ECM2: variants seen among roughly 807,000 people sequenced by gnomAD.
ECM2 encodes extracellular matrix protein 2, female organ and adipocyte specific.
ECM2 carries 57 observed loss-of-function variants against 67.5 expected under a neutral mutation model. The ratio of observed to expected loss-of-function variants is 0.84; its 90% CI spans 0.68 to 1.05. The LOEUF (loss-of-function observed/expected upper bound fraction) is 1.05. ECM2 is among the 50% of genes least tolerant of loss of function. The pLI, the probability that ECM2 is intolerant of heterozygous loss-of-function variation, is 0.00. For synonymous variants in ECM2, 258 were observed against 294.5 expected, an observed-to-expected ratio of 0.88 and a Z score of 1.27; for missense variants, 741 against 822.8, an observed-to-expected ratio of 0.90 and a Z score of 1.22.
chr9:92,500,590 C>T, intron 9 of ECM2, 137 bp downstream of exon 9: 1 of 802,472 alleles, frequency 1.2e-6, no homozygotes, highest in Non-Finnish European at 1.9e-6. Flanking sequence ...CTAACATTTG[C>T]CAATCTTGTT....
At chr9:92,534,824 A>G (rs142462617) in intron 1 of ECM2, among the ~76,000 whole-genome samples, 1 of 152,224 alleles carries the variant, frequency 6.6e-6, no homozygotes, top group Non-Finnish European at 1.5e-5. Context: ...TCTGCAATGC[A>G]TGAAATGTAT....
chr9:92,505,150 C>T (rs758551155), intron 7 of ECM2, among the ~76,000 whole-genome samples: 13 of 152,190 alleles, frequency 8.5e-5, no homozygotes, highest in Non-Finnish European at 1.6e-4. Flanking sequence ...TGAGTGGACA[C>T]TCTGTTACGG....
chr9:92,528,999 C>T (rs1848582759), intron 1 of ECM2, among the ~76,000 whole-genome samples: 2 of 152,038 alleles, frequency 1.3e-5, no homozygotes, highest in Non-Finnish European at 2.9e-5. Flanking sequence ...AAGGATTAAC[C>T]ATGTAATGTA....
At chr9:92,523,698 T>C (rs1390596161) in intron 1 of ECM2, among the ~76,000 whole-genome samples, 1 of 152,158 alleles carries the variant, frequency 6.6e-6, no homozygotes, top group African/African-American at 2.4e-5. Flanking sequence ...AGCATATCTT[T>C]AACTTATTGG....
chr9:92,538,426 T>C (rs1382974274), upstream of ECM2, among the ~76,000 whole-genome samples: 1 of 152,268 alleles, frequency 6.6e-6, no homozygotes, highest in East Asian at 1.9e-4. Context: ...AGACTTTTAC[T>C]ATGTTCTTTT....
rs1406971647 is a variant in ECM2, at chr9:92,499,529, G to T, written c.1931+1198C>A. The stretch of plus-strand genomic sequence containing the variant: ...AGTAAATTTGTCTTAGGAGATACCA[G>T]GCTGTGACCACTTCAATCCAGTGAT... On this transcript the variant is annotated intron_variant, in intron 9 of 9. Transcript: ENST00000344604. Among the ~76,000 whole-genome samples, 3 of 152,174 alleles carry T rather than the reference G, an allele frequency of 2.0e-5. No individual in the cohort carries two copies. The East Asian group carries it at 5.8e-4, about 29-fold the overall frequency.
chr9:92,514,851 C>A lies in ECM2; in HGVS notation c.834G>T (p.Glu278Asp). 1 of 1,609,418 alleles carries A rather than the reference C, an allele frequency of 6.2e-7. No individual in the cohort carries two copies. The highest frequency in any genetic ancestry group is 8.5e-7 in the Non-Finnish European group (1 of 1,177,274). The change falls in exon 4 of 10, where the codon GAG (glutamate) becomes GAT (aspartate). Residue 278 changes from glutamate (E) to aspartate (D), a missense_variant. Glu to Asp is a conservative substitution (Grantham distance 45). Transcript: ENST00000344604. ...GREEEEDEEE[E>D]GEEGEEDEED... ...CCTCATCCTCCTCACCCTCCTCACC[C>A]TCCTCCTCCTCATCCTCCTCCTCCT...
chr9:92,494,150 C>G (rs1348833629), downstream of ECM2: 1 of 1,597,150 alleles, frequency 6.3e-7, no homozygotes, highest in East Asian at 2.2e-5. Context: ...TGAAACACAG[C>G]TGAATAAAGT....
intron 1 of ECM2, among the ~76,000 whole-genome samples, chr9:92,526,605 A>G (rs1290164933): frequency 6.6e-6 from 1 of 151,974 alleles, no homozygotes; most frequent in Non-Finnish European, 1.5e-5. Context: ...AAAAAACTAT[A>G]GAAAAGAGGA....
chr9:92,544,481 A>T, the ECM2 span, among the ~76,000 whole-genome samples: 159 of 152,286 alleles, frequency 1.0e-3, 2 homozygotes, highest in Non-Finnish European at 1.5e-4. Context: ...GTCTCAAAAA[A>T]ATAAATAAAT....
intron 2 of ECM2, 98 bp from the exon 3 acceptor site, chr9:92,517,973 C>G (rs1847828834): frequency 7.3e-7 from 1 of 1,377,486 alleles, no homozygotes; most frequent in Non-Finnish European, 1.0e-6. Flanking sequence ...GCTCTAACCA[C>G]ACAAGAATAG....
chr9:92,505,613 G>A lies in ECM2; in HGVS notation c.1384C>T (p.Pro462Ser). Residue 462 changes from proline to serine, a missense_variant, in exon 7 of 10, where the codon CCT becomes TCT. By Grantham distance (74) the Pro-to-Ser change is moderately conservative. Transcript: ENST00000344604. ...CGCAAGTAGGCTAGGCTCTTCAAAG[G>A]TTTGAAAGCTAAAGGATTGACATTG... Reference protein sequence around the residue: ...EANVNPLAFKPLKSLAYLRLG... With the variant: ...EANVNPLAFKSLKSLAYLRLG... The A allele has an allele frequency of 6.2e-7, 1 of 1,611,048 alleles. No individual in the cohort carries two copies. Among genetic ancestry groups the A allele is most frequent in the Non-Finnish European group, 8.5e-7 (1 of 1,179,108 alleles).
chr9:92,504,426 A>T (rs898841907), intron 7 of ECM2, among the ~76,000 whole-genome samples: 1 of 152,164 alleles, frequency 6.6e-6, no homozygotes, highest in Non-Finnish European at 1.5e-5. Flanking sequence ...TTCTGGCTGG[A>T]TGATCATGTG....
At chr9:92,510,181 T>G in intron 5 of ECM2, 147 bp from the exon 6 acceptor site, 4 of 747,756 alleles carry the variant, frequency 5.3e-6, no homozygotes, top group South Asian at 2.7e-5. Context: ...AAACCCCTTA[T>G]TCCCCCTGCC....
intron 7 of ECM2, among the ~76,000 whole-genome samples, chr9:92,505,272 C>T (rs1289101413): frequency 6.6e-6 from 1 of 152,118 alleles, no homozygotes; most frequent in East Asian, 1.9e-4. Flanking sequence ...TTTAAATTCT[C>T]AATTCATTTC....
chr9:92,543,656 C>A, the ECM2 span, among the ~76,000 whole-genome samples: 1 of 151,926 alleles, frequency 6.6e-6, no homozygotes, highest in African/African-American at 2.4e-5. Context: ...GTCATTCTAA[C>A]AATATTAATG....
intron 9 of ECM2, 111 bp from the exon 10 acceptor site, chr9:92,496,594 C>A: frequency 7.5e-7 from 1 of 1,333,032 alleles, no homozygotes; most frequent in East Asian, 2.7e-5. Flanking sequence ...AAGTTGGATC[C>A]TTATAGACCA....
the ECM2 span, among the ~76,000 whole-genome samples, chr9:92,545,371 C>T: frequency 6.6e-6 from 1 of 152,172 alleles, no homozygotes; most frequent in Non-Finnish European, 1.5e-5. Flanking sequence ...TGGGAGCGGG[C>T]AGTGAGGGAC....
At chr9:92,540,610 A>C (rs926511763), upstream of ECM2, among the ~76,000 whole-genome samples, 1 of 151,420 alleles carries the variant, frequency 6.6e-6, no homozygotes, top group Admixed American at 6.6e-5. Context: ...GTCTCTACTA[A>C]AAATACAAAA....
Sources: gnomAD v4.1 joint callset for allele counts (sites outside exome capture counted in the v4.1 genomes callset) on GRCh38, gnomAD v4.1.1 for gene constraint, MANE v1.5 for transcripts, NCBI Gene and HGNC (gene_info 2026-07-23, HGNC 2026-07-21) for gene names.